The following NRXN3 variants were observed in gnomAD, a reference collection of about 807,000 sequenced individuals.
NRXN3 encodes neurexin 3, also known as neurexin III.
In NRXN3, 32 loss-of-function variants were observed where a neutral mutation model predicts 137.6. The observed-to-expected ratio is 0.23, with a 90% CI of 0.18 to 0.31. The LOEUF is 0.31. NRXN3 is among the 10% of genes least tolerant of loss of function. The pLI, the probability that NRXN3 is intolerant of heterozygous loss-of-function variation, is 1.00. For synonymous variants in NRXN3, 798 were observed against 784.5 expected (o/e 1.02, Z -0.29); for missense variants, 1,574 against 2,062.5 (o/e 0.76, Z 4.59).
At chr14:79,278,232 T>G (rs2080611417) in intron 15 of NRXN3, among the ~76,000 whole-genome samples, 1 of 152,202 alleles carries the variant, frequency 6.6e-6, no homozygotes, top group Non-Finnish European at 1.5e-5. Context: ...ATGGGCTTTT[T>G]ACCCAAGGTG....
chr14:79,797,137 A>G (rs2099163502), intron 19 of NRXN3, among the ~76,000 whole-genome samples: 1 of 152,206 alleles, frequency 6.6e-6, no homozygotes, highest in African/African-American at 2.4e-5. Context: ...AAAATCATAT[A>G]TTCAGAATAT....
intron 15 of NRXN3, among the ~76,000 whole-genome samples, chr14:79,006,565 G>A (rs1188925853): frequency 6.7e-6 from 1 of 150,176 alleles, no homozygotes; most frequent in African/African-American, 2.5e-5. Flanking sequence ...TTCCTTTATA[G>A]CCTTAGCTTT....
intron 16 of NRXN3, among the ~76,000 whole-genome samples, chr14:79,483,680 C>A (rs2096628710): frequency 6.6e-6 from 1 of 152,062 alleles, no homozygotes; most frequent in Admixed American, 6.6e-5. Context: ...GGTCAGAAGG[C>A]TTTGTGTGCA....
chr14:78,368,313 C>T (rs1597852556), intron 4 of NRXN3, among the ~76,000 whole-genome samples: 1 of 152,168 alleles, frequency 6.6e-6, no homozygotes, highest in Non-Finnish European at 1.5e-5. Flanking sequence ...ATTTTACTTG[C>T]AGGCGCAACA....
intron 8 of NRXN3, among the ~76,000 whole-genome samples, chr14:78,792,043 C>T (rs75093962): frequency 6.7e-6 from 1 of 150,136 alleles, no homozygotes; most frequent in Non-Finnish European, 1.5e-5. Context: ...AGCAACAGAA[C>T]AATAAAGTTA....
At chr14:79,612,891 C>A (rs1319136702) in intron 16 of NRXN3, among the ~76,000 whole-genome samples, 1 of 152,146 alleles carries the variant, frequency 6.6e-6, no homozygotes, top group Non-Finnish European at 1.5e-5. Flanking sequence ...CTAAAATGAA[C>A]CAAATCTCCA....
intron 10 of NRXN3, among the ~76,000 whole-genome samples, chr14:78,839,947 G>A (rs1313636119): frequency 6.6e-6 from 1 of 152,146 alleles, no homozygotes; most frequent in East Asian, 1.9e-4. Context: ...TTCCTTTATA[G>A]AACATGAACA....
chr14:79,503,421 G>T (rs2096844010), intron 16 of NRXN3, among the ~76,000 whole-genome samples: 1 of 152,040 alleles, frequency 6.6e-6, no homozygotes, highest in South Asian at 2.1e-4. Context: ...TAACCTTCAC[G>T]TACAGGGACC....
chr14:79,297,522 G>A (rs2084388006), intron 15 of NRXN3, among the ~76,000 whole-genome samples: 1 of 151,960 alleles, frequency 6.6e-6, no homozygotes, highest in Non-Finnish European at 1.5e-5. Flanking sequence ...CATAATCACT[G>A]GGGTTGTAAC....
chr14:79,444,105 A>G (rs2096014834), intron 15 of NRXN3, among the ~76,000 whole-genome samples: 1 of 152,210 alleles, frequency 6.6e-6, no homozygotes, highest in Non-Finnish European at 1.5e-5. Flanking sequence ...GCCATGAAGT[A>G]GTGGGACCTG....
chr14:78,757,176 G>T (rs904998822), intron 8 of NRXN3, among the ~76,000 whole-genome samples: 1 of 152,066 alleles, frequency 6.6e-6, no homozygotes, highest in Non-Finnish European at 1.5e-5. Flanking sequence ...GGGAGGCCGA[G>T]GGGGGCAGAC....
intron 8 of NRXN3, among the ~76,000 whole-genome samples, chr14:78,794,892 T>A (rs1401498375): frequency 6.6e-6 from 1 of 150,398 alleles, no homozygotes; most frequent in Non-Finnish European, 1.5e-5. Context: ...CTTGGCAACA[T>A]GGCAAAACCC....
At chr14:78,587,631 C>T (rs2097078510) in intron 4 of NRXN3, among the ~76,000 whole-genome samples, 1 of 152,198 alleles carries the variant, frequency 6.6e-6, no homozygotes, top group South Asian at 2.1e-4. Flanking sequence ...CAGATTTTAT[C>T]CCTCTACACA....
intron 16 of NRXN3, among the ~76,000 whole-genome samples, chr14:79,565,341 A>ACAT (rs1555527156): frequency 7.2e-6 from 1 of 138,854 alleles, no homozygotes; most frequent in African/African-American, 2.9e-5. Flanking sequence ...ATATATACAT[A>ACAT]TGTGTGCGTA....
intron 19 of NRXN3, among the ~76,000 whole-genome samples, chr14:79,719,170 C>G (rs1401865950): frequency 6.6e-6 from 1 of 152,002 alleles, no homozygotes; most frequent in Non-Finnish European, 1.5e-5. Flanking sequence ...TCACTCGGGT[C>G]TCTTCCCAAG....
intron 15 of NRXN3, among the ~76,000 whole-genome samples, chr14:79,265,650 A>G (rs530646039): frequency 2.0e-5 from 3 of 152,140 alleles, no homozygotes; most frequent in African/African-American, 7.2e-5. Context: ...TTTGCTTTGC[A>G]TGTACTGACC....
chr14:79,752,040 G>A lies in NRXN3; in HGVS notation c.4015-53072G>A, dbSNP rs546084464. On this transcript the variant is annotated intron_variant, in intron 19 of 20. Coordinates refer to ENST00000335750, the MANE Select transcript of NRXN3 (RefSeq NM_001330195.2). The stretch of plus-strand genomic sequence containing the variant: ...ATATTGGTCTAAAATTCTCTTTTTT[G>A]GTTGTGTCTCTGTCCAGCTTTGGTA... Among the ~76,000 whole-genome samples the A allele has an allele frequency of 1.2e-3, 180 of 152,056 alleles. 1 individual carries two copies. The highest frequency in any genetic ancestry group is 3.6e-3 in the African/African-American group (149 of 41,488).
At chr14:78,227,138 C>T (rs925678275) in intron 1 of NRXN3, among the ~76,000 whole-genome samples, 3 of 152,136 alleles carry the variant, frequency 2.0e-5, no homozygotes, top group Admixed American at 6.5e-5. Context: ...GCTGTGAACA[C>T]GTGTAGGGAA....
At chr14:79,833,770 C>T (rs2099329612) in intron 20 of NRXN3, among the ~76,000 whole-genome samples, 1 of 152,082 alleles carries the variant, frequency 6.6e-6, no homozygotes, top group South Asian at 2.1e-4. Flanking sequence ...TCTTAATTGA[C>T]ATACTCAGGT....
Sources: gnomAD v4.1 joint callset for allele counts (sites outside exome capture counted in the v4.1 genomes callset) on GRCh38, gnomAD v4.1.1 for gene constraint, MANE v1.5 for transcripts, NCBI Gene and HGNC (gene_info 2026-07-23, HGNC 2026-07-21) for gene names.